UFD1: variants seen among roughly 807,000 people sequenced by gnomAD.
UFD1 encodes the protein ubiquitin recognition factor in ER-associated degradation protein 1.
UFD1 carries 13 observed loss-of-function variants against 45.9 expected under a neutral mutation model. The ratio of observed to expected loss-of-function variants is 0.28; its 90% CI spans 0.18 to 0.45. The LOEUF (loss-of-function observed/expected upper bound fraction) is 0.45, where lower values mean the gene tolerates loss of function less well. UFD1 is among the 20% of genes least tolerant of loss of function. The pLI is 1.00. For synonymous variants in UFD1, 128 were observed against 139.2 expected (o/e 0.92, Z 0.56); for missense variants, 218 against 389.2 (o/e 0.56, Z 3.70).
intron 1 of UFD1, 56 bp downstream of exon 1, chr22:19,479,027 C>A: frequency 6.4e-7 from 1 of 1,573,442 alleles, no homozygotes; most frequent in Non-Finnish European, 8.7e-7. Context: ...CCGCCGGGCC[C>A]TACCTCAGGC....
At chr22:19,470,985 C>T (rs964644063) in intron 4 of UFD1, among the ~76,000 whole-genome samples, 1 of 152,186 alleles carries the variant, frequency 6.6e-6, no homozygotes, top group Non-Finnish European at 1.5e-5. Flanking sequence ...TGTGAACTTC[C>T]CTAATGTGCC....
intron 5 of UFD1, chr22:19,466,493 A>G (rs1568899163): frequency 6.6e-6 from 1 of 152,256 alleles, no homozygotes; most frequent in Non-Finnish European, 1.5e-5. Context: ...CACACTAACA[A>G]GTTAATTGTG....
At chr22:19,456,497 A>G (rs764197157) in intron 9 of UFD1, 90 bp downstream of exon 9, 7 of 1,559,302 alleles carry the variant, frequency 4.5e-6, no homozygotes, top group South Asian at 1.1e-5. Context: ...GCTGATGTCC[A>G]TCGAGCATCA....
chr22:19,470,092 G>A (rs773253787), intron 4 of UFD1: 10 of 496,726 alleles, frequency 2.0e-5, no homozygotes, highest in African/African-American at 1.6e-4. Flanking sequence ...TGAGCACAAT[G>A]TGGCCTCAGG....
At chr22:19,467,790 G>T in intron 5 of UFD1, 83 bp downstream of exon 5, 1 of 1,560,244 alleles carries the variant, frequency 6.4e-7, no homozygotes, top group Non-Finnish European at 8.7e-7. Context: ...AGCAGGCACA[G>T]ATTCAATACA....
intron 11 of UFD1, chr22:19,452,025 T>C: frequency 2.5e-6 from 2 of 794,708 alleles, no homozygotes; most frequent in Non-Finnish European, 3.0e-6. Context: ...ATGAGGATTA[T>C]CTTCTTGTGA....
intron 3 of UFD1, among the ~76,000 whole-genome samples, chr22:19,473,047 C>A (rs1335622946): frequency 1.3e-5 from 2 of 152,176 alleles, no homozygotes; most frequent in East Asian, 3.8e-4. Flanking sequence ...CATGGAGGTA[C>A]AGTAAGGGTG....
At chr22:19,467,682 G>T in intron 5 of UFD1, 191 bp downstream of exon 5, 1 of 935,200 alleles carries the variant, frequency 1.1e-6, no homozygotes, top group Non-Finnish European at 1.5e-6. Context: ...AGGTGGCCCA[G>T]ACAGCACCCA....
intron 6 of UFD1, among the ~76,000 whole-genome samples, chr22:19,462,761 T>G (rs1008429038): frequency 1.3e-5 from 2 of 152,210 alleles, no homozygotes; most frequent in African/African-American, 4.8e-5. Flanking sequence ...TATTACTGCT[T>G]TATATGGCAA....
intron 4 of UFD1, among the ~76,000 whole-genome samples, chr22:19,468,560 C>A (rs370753708): frequency 6.6e-6 from 1 of 152,094 alleles, no homozygotes; most frequent in African/African-American, 2.4e-5. Flanking sequence ...AGAAGTGAGA[C>A]GGAAAGAGAT....
chr22:19,465,482 T>C, intron 5 of UFD1: 1 of 518,546 alleles, frequency 1.9e-6, no homozygotes, highest in Non-Finnish European at 3.5e-6. Flanking sequence ...CAAGCTGGGG[T>C]AACAAATGCC....
intron 10 of UFD1, 35 bp from the exon 11 acceptor site, chr22:19,454,865 T>C (rs763920053): frequency 6.3e-7 from 1 of 1,594,262 alleles, no homozygotes; most frequent in Non-Finnish European, 8.5e-7. Context: ...AAATGTTATT[T>C]CCAGGAAAAA....
At chr22:19,464,994 C>A (rs1175721150) in intron 6 of UFD1, among the ~76,000 whole-genome samples, 1 of 152,176 alleles carries the variant, frequency 6.6e-6, no homozygotes, top group Non-Finnish European at 1.5e-5. Flanking sequence ...CAATGTTCCC[C>A]TGTAAATGCA....
In UFD1 at chr22:19,454,798, T is replaced by C; in HGVS notation, c.800A>G (p.Lys267Arg). ...GIPNYEFKLG[K>R]ITFIRNSRPL... ...ACGTGAATTTCTGATGAAAGTTATC[T>C]TACCAAGTTTAAATTCATAATTGGG... The change falls in exon 11 of 12, where the codon AAG (lysine) becomes AGG (arginine). Residue 267 changes from lysine to arginine, a missense_variant. By Grantham distance (26) the Lys-to-Arg change is conservative. Coordinates refer to ENST00000263202, the MANE Select transcript of UFD1 (RefSeq NM_005659.7). 7 of 1,614,024 alleles carry C rather than the reference T, an allele frequency of 4.3e-6. No individual in the cohort carries two copies. The highest frequency in any genetic ancestry group is 5.9e-6 in the Non-Finnish European group (7 of 1,179,966).
chr22:19,451,360 T>C, intron 11 of UFD1: 2 of 985,466 alleles, frequency 2.0e-6, no homozygotes, highest in Non-Finnish European at 2.4e-6. Flanking sequence ...TTAATGTATT[T>C]GCACACAACT....
At chr22:19,471,552 G>T in intron 4 of UFD1, 135 bp downstream of exon 4, 1 of 1,324,160 alleles carries the variant, frequency 7.6e-7, no homozygotes, top group Non-Finnish European at 1.0e-6. Flanking sequence ...CTTCTCTCTC[G>T]CTGGGTCGGC....
chr22:19,478,452 C>T (rs948896962), intron 1 of UFD1, among the ~76,000 whole-genome samples: 3 of 152,206 alleles, frequency 2.0e-5, no homozygotes, highest in Non-Finnish European at 2.9e-5. Context: ...CGTTAGTTTT[C>T]TCATGTTTAA....
intron 1 of UFD1, among the ~76,000 whole-genome samples, chr22:19,476,526 A>G (rs1601904959): frequency 6.6e-6 from 1 of 151,892 alleles, no homozygotes; most frequent in African/African-American, 2.4e-5. Context: ...GAGGCTTAGC[A>G]AACATGTATC....
intron 8 of UFD1, 80 bp downstream of exon 8, chr22:19,456,773 G>C (rs1285287938): frequency 2.5e-6 from 4 of 1,613,624 alleles, no homozygotes; most frequent in Non-Finnish European, 3.4e-6. Flanking sequence ...AACACTAGCA[G>C]AGGCCACCCA....
Sources: gnomAD v4.1 joint callset for allele counts (sites outside exome capture counted in the v4.1 genomes callset) on GRCh38, gnomAD v4.1.1 for gene constraint, MANE v1.5 for transcripts, NCBI Gene and HGNC (gene_info 2026-07-23, HGNC 2026-07-21) for gene names.